PRKCE: variants seen among roughly 807,000 people sequenced by gnomAD.
PRKCE encodes the protein protein kinase C epsilon.
A neutral mutation model predicts 85.4 loss-of-function variants in PRKCE; 16 were observed. The ratio of observed to expected loss-of-function variants is 0.19; its 90% CI spans 0.13 to 0.28. The LOEUF is 0.28. Among genes scored for constraint, PRKCE ranks in the 10% least tolerant of loss-of-function variants. The pLI is 1.00. For missense variants in PRKCE, 573 were observed against 975.2 expected, an observed-to-expected ratio of 0.59 and a Z score of 5.49; for synonymous variants, 388 against 371.5, an observed-to-expected ratio of 1.04 and a Z score of -0.51.
intron 11 of PRKCE, among the ~76,000 whole-genome samples, chr2:46,107,281 C>T (rs1009216735): frequency 2.0e-5 from 3 of 152,322 alleles, no homozygotes; most frequent in African/African-American, 7.2e-5. Context: ...CTTCTTTCAC[C>T]TGGCAATATG....
At chr2:45,836,775 T>C (rs534084660) in intron 1 of PRKCE, among the ~76,000 whole-genome samples, 30 of 152,328 alleles carry the variant, frequency 2.0e-4, no homozygotes, top group Admixed American at 3.3e-4. Flanking sequence ...GACACAGCAG[T>C]AGATTATCTA....
At chr2:45,814,040 G>A (rs535150328) in intron 1 of PRKCE, among the ~76,000 whole-genome samples, 9 of 151,888 alleles carry the variant, frequency 5.9e-5, no homozygotes, top group Non-Finnish European at 8.8e-5. Context: ...CCCCACCTCC[G>A]GTCCCCCCTC....
chr2:45,739,842 G>A (rs142772722), intron 1 of PRKCE, among the ~76,000 whole-genome samples: 8 of 152,280 alleles, frequency 5.3e-5, no homozygotes, highest in Non-Finnish European at 5.9e-5. Flanking sequence ...TTCACAGTAT[G>A]TAAATTATAC....
chr2:45,716,685 A>AG (rs1553387036), intron 1 of PRKCE, among the ~76,000 whole-genome samples: 4 of 74,990 alleles, frequency 5.3e-5, no homozygotes, highest in African/African-American at 2.3e-4. Context: ...AAGAAGAAGA[A>AG]GAAGAGAAGG....
At chr2:46,062,344 G>C (rs1667223058) in intron 10 of PRKCE, among the ~76,000 whole-genome samples, 1 of 152,170 alleles carries the variant, frequency 6.6e-6, no homozygotes, top group South Asian at 2.1e-4. Flanking sequence ...CTGGTGACAG[G>C]TCATCCCTGT....
chr2:46,133,720 G>C (rs1674687782), intron 11 of PRKCE, among the ~76,000 whole-genome samples: 1 of 152,264 alleles, frequency 6.6e-6, no homozygotes, highest in East Asian at 1.9e-4. Context: ...TGAATACTGG[G>C]TACTTTGCAG....
intron 6 of PRKCE, among the ~76,000 whole-genome samples, chr2:45,995,515 A>G (rs936126012): frequency 6.6e-6 from 1 of 152,040 alleles, no homozygotes; most frequent in Non-Finnish European, 1.5e-5. Context: ...TCCATTTTGG[A>G]TTCATTTTTG....
At chr2:45,795,803 C>T (rs78866584) in intron 1 of PRKCE, among the ~76,000 whole-genome samples, 9 of 152,302 alleles carry the variant, frequency 5.9e-5, no homozygotes, top group African/African-American at 1.4e-4. Flanking sequence ...TGGTCCTGCT[C>T]AGGTGGCCAG....
intron 11 of PRKCE, among the ~76,000 whole-genome samples, chr2:46,101,581 A>C (rs1358771337): frequency 6.6e-6 from 1 of 152,212 alleles, no homozygotes; most frequent in African/African-American, 2.4e-5. Context: ...GAGGCTGTCG[A>C]ATGACTGTCA....
intron 1 of PRKCE, chr2:45,685,307 A>C (rs1223223559): frequency 6.6e-6 from 1 of 152,216 alleles, no homozygotes; most frequent in Admixed American, 6.5e-5. Context: ...TCTTATAGTC[A>C]CTGTGGATTA....
chr2:45,752,305 T>C (rs1412066205), intron 1 of PRKCE, among the ~76,000 whole-genome samples: 2 of 152,240 alleles, frequency 1.3e-5, no homozygotes, highest in African/African-American at 4.8e-5. Flanking sequence ...GTTAATTTAT[T>C]CAAAGCCATA....
rs187629038 is a variant in PRKCE at position 45,869,439 on chromosome 2, T to C, written c.412+26376T>C. Among the ~76,000 whole-genome samples, 38 of 152,320 alleles carry C rather than the reference T, an allele frequency of 2.5e-4. No individual in the cohort carries two copies. In the East Asian group the frequency reaches 5.6e-3, roughly 22 times the overall value. ...GAAAGTCACAAAATATTGCTAACGA[T>C]GGTAACAAACACAAAATCTACCATT... On this transcript the variant is annotated intron_variant, in intron 2 of 14. Coordinates refer to ENST00000306156, the MANE Select transcript of PRKCE (RefSeq NM_005400.3).
At chr2:45,816,668 G>A (rs142214618) in intron 1 of PRKCE, among the ~76,000 whole-genome samples, 565 of 152,250 alleles carry the variant, frequency 3.7e-3, no homozygotes, top group Non-Finnish European at 6.4e-3. Context: ...TTTCCTCTGT[G>A]CACTCTCTTG....
chr2:45,855,916 T>A (rs1692633076), intron 2 of PRKCE, among the ~76,000 whole-genome samples: 1 of 152,024 alleles, frequency 6.6e-6, no homozygotes, highest in Non-Finnish European at 1.5e-5. Flanking sequence ...CTACCTTCTG[T>A]CTTTGCTTGA....
chr2:45,876,462 T>A (rs1046499753), intron 2 of PRKCE, among the ~76,000 whole-genome samples: 1 of 152,252 alleles, frequency 6.6e-6, no homozygotes, highest in South Asian at 2.1e-4. Flanking sequence ...AAATTTATAG[T>A]CTTGCAACTT....
At chr2:46,033,467 C>A (rs753851511) in intron 10 of PRKCE, among the ~76,000 whole-genome samples, 1 of 152,102 alleles carries the variant, frequency 6.6e-6, no homozygotes, top group Non-Finnish European at 1.5e-5. Flanking sequence ...CCCAGGGAGC[C>A]GGTTAATTGG....
intron 1 of PRKCE, among the ~76,000 whole-genome samples, chr2:45,744,546 CTTT>C: frequency 1.3e-5 from 1 of 77,274 alleles, no homozygotes; most frequent in Admixed American, 1.3e-4. Flanking sequence ...TTCTTTCTTT[CTTT>C]CTTCCTTCCT....
intron 1 of PRKCE, among the ~76,000 whole-genome samples, chr2:45,782,294 T>C (rs1331275003): frequency 6.6e-6 from 1 of 152,184 alleles, no homozygotes; most frequent in Non-Finnish European, 1.5e-5. Context: ...GAGACTGTCC[T>C]TAGGTTTTTT....
intron 2 of PRKCE, among the ~76,000 whole-genome samples, chr2:45,930,911 G>C (rs958143384): frequency 2.0e-5 from 3 of 152,324 alleles, no homozygotes; most frequent in Admixed American, 2.0e-4. Flanking sequence ...CTCAGGGTCA[G>C]ATTGTATGCC....
Sources: gnomAD v4.1 joint callset for allele counts (sites outside exome capture counted in the v4.1 genomes callset) on GRCh38, gnomAD v4.1.1 for gene constraint, MANE v1.5 for transcripts, NCBI Gene and HGNC (gene_info 2026-07-23, HGNC 2026-07-21) for gene names.